BAG6: variants seen among roughly 807,000 people sequenced by gnomAD.
BAG6 encodes the protein large proline-rich protein BAG6.
A neutral mutation model predicts 121.0 loss-of-function variants in BAG6; 22 were observed. That is an observed-to-expected ratio of 0.18 (90% CI 0.13 to 0.26). The LOEUF is 0.26. Ranked by LOEUF, BAG6 falls within the 10% of genes least tolerant of loss-of-function variation. The pLI, the probability that BAG6 is intolerant of heterozygous loss-of-function variation, is 1.00. For synonymous variants in BAG6, 583 were observed against 584.6 expected (o/e 1.00, Z 0.04); for missense variants, 1,233 against 1,537.7 (o/e 0.80, Z 3.31).
chr6:31,643,308 G>A (rs1289470823), intron 14 of BAG6, among the ~76,000 whole-genome samples, 193 bp from the exon 15 acceptor site: 2 of 151,938 alleles, frequency 1.3e-5, no homozygotes, highest in African/African-American at 4.8e-5. Context: ...CTACTCAGGA[G>A]GCTGAGGTGG....
rs1337969404 is a variant in BAG6, at chr6:31,640,458, G to A, written c.3065C>T (p.Pro1022Leu). Residue 1022 changes from proline (P) to leucine (L), a missense_variant, in exon 23 of 26, where the codon CCT becomes CTT. Physicochemically the swap from Pro to Leu is moderately conservative, Grantham distance 98 (BLOSUM62 -3). Around this residue, in one of 7 missense-constraint regions of BAG6, gnomAD observed 288 missense variants for 483.1 expected, o/e 0.60. Transcript: ENST00000676615. This position sits in a 1 kb window ranked among gnomAD's most constrained non-coding sequence, Gnocchi z 4.2. ...EAMSRGPPPA[P>L]EGGSRDEQDG... ...CTGTTCATCCCGGGAGCCCCCCTCA[G>A]GAGCAGGAGGTGGACCTCGGGACAT... 6.2e-7 allele frequency: 1 copy of A among 1,613,390 alleles called. No homozygotes were observed. The highest frequency in any genetic ancestry group is 8.5e-7 in the Non-Finnish European group (1 of 1,180,046).
chr6:31,651,931 C>T, intron 1 of BAG6, 155 bp from the exon 2 acceptor site: 1 of 569,892 alleles, frequency 1.8e-6, no homozygotes. Flanking sequence ...GATTCCGGGG[C>T]ACAGGGAGAG....
chr6:31,648,144 T>C (rs531125544), intron 6 of BAG6, among the ~76,000 whole-genome samples: 2 of 152,122 alleles, frequency 1.3e-5, no homozygotes, highest in South Asian at 4.2e-4. Context: ...GCCTTCTAAG[T>C]AGCCAGGCCT....
In BAG6 at chr6:31,644,419, G is replaced by T; in HGVS notation, c.1448-5C>A. On this transcript the variant is annotated splice_polypyrimidine_tract_variant and splice_region_variant and intron_variant, in intron 11 of 25. Coordinates refer to ENST00000676615, the MANE Select transcript of BAG6 (RefSeq NM_001387994.1). The surrounding 1 kb of genome is among the most constrained non-coding windows in gnomAD (Gnocchi z 4.9). ...GCAGCTGGATGAGGGTGGAGCCTGG[G>T]GGGCGGGTCTGATGTAACCTTGAAC... 1 of 1,551,636 alleles carries T rather than the reference G, an allele frequency of 6.4e-7. No individual in the cohort carries two copies.
chr6:31,647,319 A>G (rs1790848620), intron 7 of BAG6, among the ~76,000 whole-genome samples: 1 of 152,220 alleles, frequency 6.6e-6, no homozygotes, highest in Admixed American at 6.5e-5. Context: ...TCTAAGAAAG[A>G]GAGCAGGCCT....
intron 6 of BAG6, among the ~76,000 whole-genome samples, chr6:31,648,370 T>G (rs1792411293): frequency 6.6e-6 from 1 of 152,098 alleles, no homozygotes; most frequent in African/African-American, 2.4e-5. Context: ...AGATTGTGGT[T>G]TCCTTTCCTC....
rs768019579 is a variant in BAG6 at position 31,639,175 on chromosome 6, G to C, written c.3445C>G (p.Gln1149Glu). 6.2e-7 allele frequency: 1 copy of C among 1,613,858 alleles called. No individual in the cohort carries two copies. The highest frequency in any genetic ancestry group is 1.3e-5 in the African/African-American group (1 of 74,882). Residue 1149 changes from glutamine (Q) to glutamate (E), a missense_variant, in exon 26 of 26, where the codon CAG (glutamine) becomes GAG (glutamate). Coordinates refer to ENST00000676615, the MANE Select transcript of BAG6 (RefSeq NM_001387994.1). ...RLQEDPNYSP[Q>E]RFPNAQRAFA... ...GCCCGCTGGGCATTGGGGAAGCGCT[G>C]GGGACTGTAGTTGGGGTCTTCCTGC...
Position 31,648,803 on chromosome 6 carries a change from C to G in BAG6, c.478-52G>C, listed in dbSNP as rs753104114. 7 of 1,607,010 alleles carry G rather than the reference C, an allele frequency of 4.4e-6. No individual in the cohort carries two copies. In the African/African-American group the frequency reaches 9.4e-5, roughly 22 times the overall value. On this transcript the variant is annotated intron_variant, in intron 5 of 25. Coordinates refer to ENST00000676615, the MANE Select transcript of BAG6 (RefSeq NM_001387994.1). ...TAGGTTACAGATGAAGCCATGAGTTCTACCACCTACTAAATCAGGTCCCAG... is the reference window on the plus strand; with the variant it reads ...TAGGTTACAGATGAAGCCATGAGTTGTACCACCTACTAAATCAGGTCCCAG...
chr6:31,650,535 G>A (rs1427064368), intron 2 of BAG6, among the ~76,000 whole-genome samples: 7 of 151,804 alleles, frequency 4.6e-5, no homozygotes, highest in Admixed American at 1.3e-4. Context: ...GGTAGTAGGC[G>A]TCGTCTGTAA....
intron 14 of BAG6, 150 bp from the exon 15 acceptor site, chr6:31,643,265 A>G (rs1784781821): frequency 5.1e-6 from 4 of 779,050 alleles, no homozygotes; most frequent in Non-Finnish European, 7.9e-6. Context: ...AAAAAAAAAA[A>G]GACAATTACT....
intron 2 of BAG6, among the ~76,000 whole-genome samples, chr6:31,650,519 G>A (rs530388283): frequency 2.6e-5 from 4 of 151,942 alleles, no homozygotes; most frequent in Non-Finnish European, 4.4e-5. Flanking sequence ...AAAATTAGCC[G>A]GGCGTGGTAG....
chr6:31,644,607 G>A lies in BAG6; in HGVS notation c.1370-5C>T, dbSNP rs1786836619. ...CACCAGGCTGTGTGCCAGAATCTGG[G>A]CAGGGAGACAGAGACAGTGGCCCTG... On this transcript the variant is annotated splice_polypyrimidine_tract_variant and splice_region_variant and intron_variant, in intron 10 of 25. Coordinates refer to ENST00000676615, the MANE Select transcript of BAG6 (RefSeq NM_001387994.1). The surrounding 1 kb of genome is among the most constrained non-coding windows in gnomAD (Gnocchi z 4.9). 1 of 1,612,460 alleles carries A rather than the reference G, an allele frequency of 6.2e-7. No homozygotes were observed. The highest frequency in any genetic ancestry group is 8.5e-7 in the Non-Finnish European group (1 of 1,179,808).
Position 31,645,418 on chromosome 6 carries a change from T to C in BAG6, c.1105A>G (p.Ile369Val), listed in dbSNP as rs954605837. The C allele has an allele frequency of 1.9e-6, 3 of 1,612,956 alleles. No individual in the cohort carries two copies. Among genetic ancestry groups the C allele is most frequent in the Non-Finnish European group, 2.5e-6 (3 of 1,180,034 alleles). Residue 369 changes from isoleucine to valine, a missense_variant, in exon 9 of 26, where the codon ATT becomes GTT. Coordinates refer to ENST00000676615, the MANE Select transcript of BAG6 (RefSeq NM_001387994.1). The part of the protein sequence containing the change: ...TTPMVLQQAA[I>V]PIQINVGTTV... ...TCCCCCTAACCCACCTGTATGGGAATGGCTGCCTGCTGGAGCACCATGGGG... is the reference window on the plus strand; with the variant it reads ...TCCCCCTAACCCACCTGTATGGGAACGGCTGCCTGCTGGAGCACCATGGGG...
Position 31,649,581 on chromosome 6 carries a change from A to G in BAG6, c.155T>C (p.Ile52Thr). ...AATGAGCCGTTGTTTTTCAGATGGGATGCTGACAGAGGCAGCAATGTGCTC... is the reference window on the plus strand; with the variant it reads ...AATGAGCCGTTGTTTTTCAGATGGGGTGCTGACAGAGGCAGCAATGTGCTC... ...FKEHIAASVS[I>T]PSEKQRLIYQ... Residue 52 changes from isoleucine (I) to threonine (T), a missense_variant, in exon 3 of 26, where the codon ATC becomes ACC. Physicochemically the swap from Ile to Thr is moderately conservative, Grantham distance 89. Transcript: ENST00000676615. 6.2e-7 allele frequency: 1 copy of G among 1,614,156 alleles called. No homozygotes were observed. Among genetic ancestry groups the G allele is most frequent in the Non-Finnish European group, 8.5e-7 (1 of 1,180,038 alleles).
intron 1 of BAG6, 135 bp from the exon 2 acceptor site, chr6:31,651,911 T>G: frequency 3.5e-6 from 2 of 578,422 alleles, no homozygotes; most frequent in African/African-American, 1.8e-5. Context: ...CCTGTCCCCA[T>G]CCCCCTTCTG....
Position 31,647,574 on chromosome 6 carries a change from T to G in BAG6, c.788+17A>C. On this transcript the variant is annotated intron_variant, in intron 7 of 25. Transcript: ENST00000676615. Reference sequence around the variant, plus strand: ...CTTAGGATTCCCCACCCACTAAAGATTCCCTCCATCTCTCACTTGGGTGCA... The same window carrying G: ...CTTAGGATTCCCCACCCACTAAAGAGTCCCTCCATCTCTCACTTGGGTGCA... The G allele has an allele frequency of 6.2e-7, 1 of 1,608,996 alleles. No homozygotes were observed. The highest frequency in any genetic ancestry group is 2.2e-5 in the East Asian group (1 of 44,514).
intron 4 of BAG6, 82 bp downstream of exon 4, chr6:31,649,117 A>G: frequency 1.3e-6 from 2 of 1,561,732 alleles, no homozygotes; most frequent in Non-Finnish European, 1.8e-6. Flanking sequence ...CTAAAGATGG[A>G]AGCATCTATC....
In BAG6 at chr6:31,639,343, T is replaced by C. The variant is rs1332213460; in HGVS notation, c.3394-117A>G. 2.8e-6 allele frequency: 4 copies of C among 1,437,246 alleles called. No individual in the cohort carries two copies. In the South Asian group the frequency reaches 3.7e-5, roughly 13 times the overall value. The allele number at this position is 1,437,246 out of a possible 1,614,324, so 89.0% of individuals were successfully genotyped here. ...TTCCCCCCCCAAGCACACTGTCAAA[T>C]AGCCCGGGGTGGCACTGTCAAGCCT... is the stretch of plus-strand genomic sequence containing the variant. On this transcript the variant is annotated intron_variant, in intron 25 of 25. Coordinates refer to ENST00000676615, the MANE Select transcript of BAG6 (RefSeq NM_001387994.1).
In BAG6 at chr6:31,649,300, T is replaced by C. The variant is rs750662811; in HGVS notation, c.322A>G (p.Thr108Ala). 1.2e-6 allele frequency: 2 copies of C among 1,612,938 alleles called. No homozygotes were observed. Among genetic ancestry groups the C allele is most frequent in the Admixed American group, 1.7e-5 (1 of 59,974 alleles). ...ASSGTGSASATHGGGSPPGTR... is the reference protein window; with the variant it reads ...ASSGTGSASAAHGGGSPPGTR... ...CCAGGGGGGGATCCCCCACCATGAG[T>C]GGCTGAGGCAGACCCCGTCCCAGAA... is the stretch of plus-strand genomic sequence containing the variant. The change falls in exon 4 of 26, where the codon ACT becomes GCT. Residue 108 changes from threonine (T) to alanine (A), a missense_variant. By Grantham distance (58) the Thr-to-Ala change is moderately conservative. Transcript: ENST00000676615.
Sources: allele counts gnomAD v4.1 joint callset (sites outside exome capture counted in the v4.1 genomes callset), GRCh38; gene constraint gnomAD v4.1.1; regional missense constraint gnomAD v4.1.1; non-coding constraint Gnocchi (gnomAD v3.1); transcripts MANE v1.5; gene names NCBI Gene and HGNC (gene_info 2026-07-23, HGNC 2026-07-21).